Variants in FBXL17 observed in about 807,000 individuals in gnomAD.
FBXL17 encodes the protein F-box and leucine rich repeat protein 17.
A neutral mutation model predicts 66.2 loss-of-function variants in FBXL17; 22 were observed. That is an observed-to-expected ratio of 0.33 (90% CI 0.24 to 0.47). The LOEUF (loss-of-function observed/expected upper bound fraction) is 0.47. Among genes scored for constraint, FBXL17 ranks in the 20% least tolerant of loss-of-function variants. The probability of loss-of-function intolerance (pLI) is 1.00; values close to 1 mark genes in which losing one functional copy is unlikely to be tolerated. For missense variants in FBXL17, 878 were observed against 948.2 expected, an observed-to-expected ratio of 0.93 and a Z score of 0.97; for synonymous variants, 474 against 400.5, an observed-to-expected ratio of 1.18 and a Z score of -2.19.
intron 8 of FBXL17, among the ~76,000 whole-genome samples, chr5:107,874,457 C>T (rs1748554199): frequency 6.6e-6 from 1 of 152,190 alleles, no homozygotes; most frequent in Admixed American, 6.5e-5. Context: ...AATTTTGTAA[C>T]AACCCTATGA....
chr5:107,876,791 A>G (rs1580673075), intron 8 of FBXL17, among the ~76,000 whole-genome samples: 1 of 152,224 alleles, frequency 6.6e-6, no homozygotes, highest in Non-Finnish European at 1.5e-5. Context: ...ATTATAAGAA[A>G]CAGATCTATA....
chr5:108,327,631 C>G (rs965240629), intron 4 of FBXL17, among the ~76,000 whole-genome samples: 2 of 152,090 alleles, frequency 1.3e-5, no homozygotes, highest in Admixed American at 6.5e-5. Flanking sequence ...TTGAAAACAA[C>G]AAGCAAACAC....
At chr5:108,184,407 C>T (rs564284781) in intron 6 of FBXL17, among the ~76,000 whole-genome samples, 184 of 151,830 alleles carry the variant, frequency 1.2e-3, no homozygotes, top group Non-Finnish European at 1.8e-3. Context: ...CCCGGGTTCA[C>T]GCCATTCTCC....
intron 7 of FBXL17, among the ~76,000 whole-genome samples, chr5:107,936,887 C>T (rs1030868555): frequency 6.6e-6 from 1 of 152,028 alleles, no homozygotes; most frequent in African/African-American, 2.4e-5. Context: ...GCTTTACCCA[C>T]CATAAACTTG....
At chr5:108,262,252 T>G (rs1756867415) in intron 4 of FBXL17, among the ~76,000 whole-genome samples, 1 of 151,732 alleles carries the variant, frequency 6.6e-6, no homozygotes, top group Non-Finnish European at 1.5e-5. Flanking sequence ...AATTTTTTTG[T>G]ATTTTTAGTA....
intron 4 of FBXL17, among the ~76,000 whole-genome samples, chr5:108,323,425 C>G (rs901879780): frequency 6.6e-6 from 1 of 151,600 alleles, no homozygotes; most frequent in Admixed American, 6.6e-5. Context: ...CTGAAAATTA[C>G]AAAATATCAC....
chr5:108,206,576 G>T (rs1350578947), intron 5 of FBXL17, among the ~76,000 whole-genome samples: 1 of 151,966 alleles, frequency 6.6e-6, no homozygotes, highest in African/African-American at 2.4e-5. Context: ...TGGGCTCTTT[G>T]TAACTTGACA....
intron 5 of FBXL17, among the ~76,000 whole-genome samples, chr5:108,215,076 T>A (rs921437873): frequency 1.3e-5 from 2 of 152,214 alleles, no homozygotes; most frequent in Admixed American, 1.3e-4. Flanking sequence ...TATTCCTCTG[T>A]ATGAATATAC....
At chr5:108,040,116 G>A (rs937912489) in intron 6 of FBXL17, among the ~76,000 whole-genome samples, 1 of 151,982 alleles carries the variant, frequency 6.6e-6, no homozygotes, top group Admixed American at 6.6e-5. Flanking sequence ...ATCAGAAAGC[G>A]CCTTTTCAAA....
At chr5:108,025,170 G>A (rs1244670857) in intron 6 of FBXL17, among the ~76,000 whole-genome samples, 4 of 152,094 alleles carry the variant, frequency 2.6e-5, no homozygotes, top group Non-Finnish European at 5.9e-5. Context: ...CCTTGTTACT[G>A]TTTGTGATGT....
chr5:108,315,329 A>G (rs1759310738), intron 4 of FBXL17, among the ~76,000 whole-genome samples: 1 of 151,384 alleles, frequency 6.6e-6, no homozygotes, highest in Non-Finnish European at 1.5e-5. Context: ...AAATAGTAAC[A>G]TCATCAAGAT....
At chr5:107,945,070 A>G (rs554294306) in intron 7 of FBXL17, among the ~76,000 whole-genome samples, 1 of 152,192 alleles carries the variant, frequency 6.6e-6, no homozygotes, top group South Asian at 2.1e-4. Context: ...AAATCAATAG[A>G]AAAAAATTGA....
At position 107,859,390 on chromosome 5, in the gene FBXL17, G is replaced by GTTTTTTTTTTTTTTTTTTTTTTTTTTT. The variant is rs549840338; in HGVS notation, c.*2303_*2329dup. On this transcript the variant is annotated 3_prime_UTR_variant, in exon 9 of 9. Transcript: ENST00000542267. ...CTCAAGGTGATGCTTTTTTCTGGCT[G>GTTTTTTTTTTTTTTTTTTTTTTTTTTT]TTTTTTTTTTTTTTTTTTTTTTTTT... The GTTTTTTTTTTTTTTTTTTTTTTTTTTT allele has an allele frequency of 5.0e-5, 3 of 60,178 alleles. No individual in the cohort carries two copies. The highest frequency in any genetic ancestry group is 6.9e-5 in the African/African-American group (1 of 14,476). The allele number at this position is 60,178 out of a possible 1,614,324, so 3.7% of individuals were successfully genotyped here. A position where few individuals can be genotyped will look rare whatever the true frequency, so the allele number is the denominator to read the frequency against.
chr5:107,895,224 G>C (rs1363898643), intron 7 of FBXL17, among the ~76,000 whole-genome samples: 1 of 151,920 alleles, frequency 6.6e-6, no homozygotes, highest in Non-Finnish European at 1.5e-5. Flanking sequence ...TTTAAAGAAA[G>C]ATTCATCATA....
At chr5:108,101,488 C>G (rs935584468) in intron 6 of FBXL17, among the ~76,000 whole-genome samples, 1 of 152,204 alleles carries the variant, frequency 6.6e-6, no homozygotes, top group African/African-American at 2.4e-5. Context: ...AAAACATGAA[C>G]AAGTGTTTTG....
At chr5:108,299,443 A>C in intron 4 of FBXL17, 2 of 943,286 alleles carry the variant, frequency 2.1e-6, no homozygotes, top group Non-Finnish European at 2.5e-6. Context: ...AAGACACACT[A>C]GTTTATAGAT....
chr5:107,901,638 T>C (rs986298889), intron 7 of FBXL17, among the ~76,000 whole-genome samples: 10 of 152,214 alleles, frequency 6.6e-5, no homozygotes, highest in African/African-American at 2.4e-4. Context: ...CGTAAAGACA[T>C]GCACTTGCTC....
chr5:108,283,792 G>A (rs1324343595), intron 4 of FBXL17, among the ~76,000 whole-genome samples: 1 of 151,766 alleles, frequency 6.6e-6, no homozygotes, highest in East Asian at 1.9e-4. Flanking sequence ...TCCAACAGGG[G>A]ACTAATATAC....
chr5:108,118,759 C>A (rs907459145), intron 6 of FBXL17, among the ~76,000 whole-genome samples: 2 of 152,142 alleles, frequency 1.3e-5, no homozygotes, highest in Non-Finnish European at 2.9e-5. Flanking sequence ...CCTCTCTAGA[C>A]CCCTCTCTCA....
Sources: gnomAD v4.1 joint callset for allele counts (sites outside exome capture counted in the v4.1 genomes callset) on GRCh38, gnomAD v4.1.1 for gene constraint, MANE v1.5 for transcripts, NCBI Gene and HGNC (gene_info 2026-07-23, HGNC 2026-07-21) for gene names.